The following HDAC9 variants were observed in gnomAD, a reference collection of about 807,000 sequenced individuals.
The protein encoded by HDAC9 is MEF-2 interacting transcription repressor (MITR) protein.
In HDAC9, 41 loss-of-function variants were observed where a neutral mutation model predicts 139.4. That is an observed-to-expected ratio of 0.29 (90% CI 0.23 to 0.38). HDAC9 has a LOEUF of 0.38. Among genes scored for constraint, HDAC9 ranks in the 10% least tolerant of loss-of-function variants. HDAC9 has a pLI of 1.00. For missense variants in HDAC9, 1,147 were observed against 1,297.0 expected (o/e 0.88, Z 1.78); for synonymous variants, 517 against 476.2 (o/e 1.09, Z -1.12).
chr7:18,640,002 T>C (rs188531882), intron 8 of HDAC9, among the ~76,000 whole-genome samples: 34 of 152,150 alleles, frequency 2.2e-4, no homozygotes, highest in African/African-American at 7.5e-4. Context: ...TGTGTATATA[T>C]ATATTTTTTC....
At chr7:18,390,327 G>T (rs1293031836) in intron 1 of HDAC9, among the ~76,000 whole-genome samples, 1 of 152,128 alleles carries the variant, frequency 6.6e-6, no homozygotes, top group Non-Finnish European at 1.5e-5. Flanking sequence ...TTCAGTGCCT[G>T]CTCTTAGGTT....
chr7:18,565,278 G>C (rs1303341540), intron 2 of HDAC9, among the ~76,000 whole-genome samples: 1 of 152,190 alleles, frequency 6.6e-6, no homozygotes, highest in Non-Finnish European at 1.5e-5. Flanking sequence ...TTACAGGCGT[G>C]AGCCACTGTG....
intron 1 of HDAC9, among the ~76,000 whole-genome samples, chr7:18,411,582 A>C (rs1788555173): frequency 6.6e-6 from 1 of 152,006 alleles, no homozygotes; most frequent in African/African-American, 2.4e-5. Context: ...TCACCATGTT[A>C]GCCAAGATGG....
chr7:18,787,830 C>T (rs1791949497), intron 16 of HDAC9, among the ~76,000 whole-genome samples: 1 of 152,150 alleles, frequency 6.6e-6, no homozygotes, highest in Non-Finnish European at 1.5e-5. Context: ...ATTTTTTCTC[C>T]CAATTATAGT....
chr7:18,493,102 G>C (rs755256898), upstream of HDAC9, among the ~76,000 whole-genome samples: 34 of 151,734 alleles, frequency 2.2e-4, no homozygotes, highest in Non-Finnish European at 4.7e-4. Context: ...TTAAGAACTA[G>C]GATAATTACT....
intron 1 of HDAC9, among the ~76,000 whole-genome samples, chr7:18,093,860 C>T (rs1474360036): frequency 2.0e-5 from 3 of 152,046 alleles, no homozygotes; most frequent in African/African-American, 7.2e-5. Flanking sequence ...CTTTTTTCTT[C>T]TGTTTTATGT....
intron 2 of HDAC9, among the ~76,000 whole-genome samples, chr7:18,567,441 C>T (rs944276532): frequency 6.6e-6 from 1 of 152,132 alleles, no homozygotes; most frequent in African/African-American, 2.4e-5. Flanking sequence ...AAATTCCAAG[C>T]AATTCATTTA....
intron 21 of HDAC9, among the ~76,000 whole-genome samples, chr7:18,873,125 G>T (rs1470228632): frequency 6.6e-6 from 1 of 152,062 alleles, no homozygotes; most frequent in Non-Finnish European, 1.5e-5. Flanking sequence ...ATAATGTAAG[G>T]TTTGTAATTA....
chr7:18,429,761 G>A (rs984908319), intron 1 of HDAC9, among the ~76,000 whole-genome samples: 1 of 152,040 alleles, frequency 6.6e-6, no homozygotes, highest in Non-Finnish European at 1.5e-5. Flanking sequence ...ACGAATCATC[G>A]AATTCCTATG....
intron 24 of HDAC9, among the ~76,000 whole-genome samples, chr7:18,964,931 A>ATCG (rs1210213387): frequency 6.6e-6 from 1 of 152,210 alleles, no homozygotes. Flanking sequence ...AGTGATAGAA[A>ATCG]CAATCCTTTG....
chr7:18,169,777 A>G (rs1274395714), intron 2 of HDAC9, among the ~76,000 whole-genome samples: 1 of 152,168 alleles, frequency 6.6e-6, no homozygotes, highest in East Asian at 1.9e-4. Flanking sequence ...ATATCCATGC[A>G]AAGGACATGA....
chr7:18,544,544 A>T lies in HDAC9; in HGVS notation c.23-40737A>T, dbSNP rs144736029. ...GATAGTACTTAAAGTTATGATGCTGACATGCCTACCAGGGCTGTGAGCATA... is the reference window on the plus strand; with the variant it reads ...GATAGTACTTAAAGTTATGATGCTGTCATGCCTACCAGGGCTGTGAGCATA... On this transcript the variant is annotated intron_variant, in intron 2 of 25. Coordinates refer to ENST00000686413, the MANE Select transcript of HDAC9 (RefSeq NM_178425.4). Among the ~76,000 whole-genome samples, 616 of 152,302 alleles carry T rather than the reference A, an allele frequency of 4.0e-3. 1 individual carries two copies. Among genetic ancestry groups the T allele is most frequent in the Non-Finnish European group, 6.9e-3 (467 of 68,012 alleles).
At chr7:18,315,936 C>T (rs1169771250) in intron 1 of HDAC9, among the ~76,000 whole-genome samples, 2 of 152,106 alleles carry the variant, frequency 1.3e-5, no homozygotes, top group South Asian at 2.1e-4. Flanking sequence ...TATGTGACTT[C>T]GGAAAGTTAC....
intron 25 of HDAC9, among the ~76,000 whole-genome samples, chr7:18,980,896 T>C (rs1784902990): frequency 6.6e-6 from 1 of 151,942 alleles, no homozygotes; most frequent in Non-Finnish European, 1.5e-5. Flanking sequence ...TGATCTCAGC[T>C]CACTGCAACC....
chr7:18,274,000 C>T (rs1229325364), intron 2 of HDAC9, among the ~76,000 whole-genome samples: 2 of 151,998 alleles, frequency 1.3e-5, no homozygotes, highest in Admixed American at 1.3e-4. Context: ...ATTGGTGACA[C>T]CTGGGAGAAA....
intron 22 of HDAC9, among the ~76,000 whole-genome samples, chr7:18,913,877 G>T (rs998152260): frequency 1.6e-4 from 25 of 151,956 alleles, no homozygotes; most frequent in African/African-American, 5.8e-4. Flanking sequence ...TTAGTAATTT[G>T]CAGGTAAATA....
intron 11 of HDAC9, among the ~76,000 whole-genome samples, chr7:18,660,461 A>G (rs1366129032): frequency 6.6e-6 from 1 of 152,156 alleles, no homozygotes; most frequent in Non-Finnish European, 1.5e-5. Context: ...CATTGTTACT[A>G]AGCATTAATA....
chr7:18,723,494 G>C (rs212664), intron 12 of HDAC9, among the ~76,000 whole-genome samples: 1 of 152,042 alleles, frequency 6.6e-6, no homozygotes, highest in African/African-American at 2.4e-5. Context: ...TGGATGAACA[G>C]TTATAAGTAA....
intron 17 of HDAC9, among the ~76,000 whole-genome samples, chr7:18,809,317 A>G (rs896714558): frequency 5.9e-5 from 9 of 152,100 alleles, no homozygotes; most frequent in African/African-American, 2.2e-4. Flanking sequence ...CACAGGCAAC[A>G]AAAGCAAAAG....
Sources: gnomAD v4.1 joint callset for allele counts (sites outside exome capture counted in the v4.1 genomes callset) on GRCh38, gnomAD v4.1.1 for gene constraint, MANE v1.5 for transcripts, NCBI Gene and HGNC (gene_info 2026-07-23, HGNC 2026-07-21) for gene names.